TMEM132D: variants seen among roughly 807,000 people sequenced by gnomAD.
The protein encoded by TMEM132D is transmembrane protein 132D.
In TMEM132D, 21 loss-of-function variants were observed where a neutral mutation model predicts 62.3. The observed-to-expected ratio is 0.34, with a 90% CI of 0.24 to 0.49. The LOEUF is 0.49. Among genes scored for constraint, TMEM132D ranks in the 20% least tolerant of loss-of-function variants. The pLI is 0.99. For synonymous variants in TMEM132D, 621 were observed against 575.6 expected (o/e 1.08, Z -1.13); for missense variants, 1,346 against 1,402.8 (o/e 0.96, Z 0.65).
At chr12:129,675,112 A>G (rs927482424) in intron 2 of TMEM132D, among the ~76,000 whole-genome samples, 3 of 152,216 alleles carry the variant, frequency 2.0e-5, no homozygotes, top group African/African-American at 7.2e-5. Flanking sequence ...ATGACAGTGG[A>G]AGAATTTAAA....
intron 1 of TMEM132D, among the ~76,000 whole-genome samples, chr12:129,819,436 A>C (rs1872480182): frequency 6.6e-6 from 1 of 152,196 alleles, no homozygotes; most frequent in African/African-American, 2.4e-5. Flanking sequence ...CTATCTCTTC[A>C]GATCTCCGTG....
At chr12:129,602,673 T>A (rs763503912) in intron 2 of TMEM132D, among the ~76,000 whole-genome samples, 4 of 152,104 alleles carry the variant, frequency 2.6e-5, no homozygotes, top group Non-Finnish European at 4.4e-5. Flanking sequence ...GAGAGGCAGG[T>A]ACAGAGATTT....
chr12:129,540,395 G>A (rs755502712), intron 2 of TMEM132D, among the ~76,000 whole-genome samples: 7 of 152,118 alleles, frequency 4.6e-5, no homozygotes, highest in African/African-American at 9.7e-5. Context: ...ATAATAATCC[G>A]TGGCTATAAA....
intron 2 of TMEM132D, among the ~76,000 whole-genome samples, chr12:129,611,888 G>A (rs936542370): frequency 1.3e-5 from 2 of 152,126 alleles, no homozygotes; most frequent in African/African-American, 4.8e-5. Context: ...CACACATTGA[G>A]GAATACACTT....
chr12:129,711,652 G>A (rs889148795), intron 1 of TMEM132D, among the ~76,000 whole-genome samples: 1 of 150,872 alleles, frequency 6.6e-6, no homozygotes, highest in Non-Finnish European at 1.5e-5. Context: ...ACTTCAACCC[G>A]GGAAGTGGAG....
Position 129,578,424 on chromosome 12 carries a change from G to GTGTGTGTGTGTGTA in TMEM132D, c.969-47220_969-47219insTACACACACACACA, listed in dbSNP as rs773756392. Among the ~76,000 whole-genome samples the GTGTGTGTGTGTGTA allele has an allele frequency of 1.0e-4, 15 of 150,590 alleles. No homozygotes were observed. In the East Asian group the frequency reaches 1.2e-3, roughly 12 times the overall value. ...AATACAATTATGTGTGTGTGTGTGT[G>GTGTGTGTGTGTGTA]TATATATATATATGTATGTATATAT... On this transcript the variant is annotated intron_variant, in intron 2 of 8. Coordinates refer to ENST00000422113, the MANE Select transcript of TMEM132D (RefSeq NM_133448.3).
intron 3 of TMEM132D, among the ~76,000 whole-genome samples, chr12:129,425,520 T>A (rs1872470303): frequency 6.6e-6 from 1 of 152,086 alleles, no homozygotes; most frequent in South Asian, 2.1e-4. Flanking sequence ...CAAAACATCT[T>A]GGAAACACAA....
chr12:129,735,063 A>G (rs1362697857), intron 1 of TMEM132D, among the ~76,000 whole-genome samples: 1 of 152,194 alleles, frequency 6.6e-6, no homozygotes, highest in Non-Finnish European at 1.5e-5. Context: ...AAGGCCAGAA[A>G]GATTTGAAAG....
chr12:129,353,598 G>A (rs1869943795), intron 3 of TMEM132D, among the ~76,000 whole-genome samples: 1 of 152,108 alleles, frequency 6.6e-6, no homozygotes, highest in Non-Finnish European at 1.5e-5. Context: ...GGCAGGTTTT[G>A]CTTGGAGGAC....
chr12:129,571,240 T>G (rs1565907585), intron 2 of TMEM132D, among the ~76,000 whole-genome samples: 1 of 152,154 alleles, frequency 6.6e-6, no homozygotes, highest in Non-Finnish European at 1.5e-5. Flanking sequence ...TAGGAGTTAT[T>G]TGCAGGCTAC....
chr12:129,789,592 G>C (rs1385498143), intron 1 of TMEM132D, among the ~76,000 whole-genome samples: 2 of 152,192 alleles, frequency 1.3e-5, no homozygotes, highest in Non-Finnish European at 1.5e-5. Flanking sequence ...TGCTTTGAAA[G>C]ATTTTCATTG....
intron 2 of TMEM132D, among the ~76,000 whole-genome samples, chr12:129,592,457 C>T (rs1225217631): frequency 6.6e-6 from 1 of 152,190 alleles, no homozygotes; most frequent in African/African-American, 2.4e-5. Flanking sequence ...ATTTGGCAAT[C>T]TCTTTCTTTG....
At position 129,446,991 on chromosome 12, in the gene TMEM132D, A is replaced by T. The variant is rs76644115; in HGVS notation, c.1115+84068T>A. On this transcript the variant is annotated intron_variant, in intron 3 of 8. Coordinates refer to ENST00000422113, the MANE Select transcript of TMEM132D (RefSeq NM_133448.3). ...CACACAGAGCATTATCTAACCATCA[A>T]TTCAAATCTAAAACAAGCTAATCTG... Among the ~76,000 whole-genome samples the T allele has an allele frequency of 2.9e-3, 449 of 152,282 alleles. 1 individual carries two copies. The highest frequency in any genetic ancestry group is 0.01 in the African/African-American group (426 of 41,560).
chr12:129,354,302 T>A (rs1869964061), intron 3 of TMEM132D, among the ~76,000 whole-genome samples: 1 of 131,212 alleles, frequency 7.6e-6, no homozygotes, highest in Non-Finnish European at 1.6e-5. Context: ...ATGCAAAAAC[T>A]AAACTTTATT....
Position 129,444,791 on chromosome 12 carries a change from T to C in TMEM132D, c.1115+86268A>G, listed in dbSNP as rs1009741944. On this transcript the variant is annotated intron_variant, in intron 3 of 8. Transcript: ENST00000422113. ...AAAACCACAATGAGAGGCCATCTCA[T>C]ACCAGTCAGAATGGCTACTATCAAA... is the stretch of plus-strand genomic sequence containing the variant. Among the ~76,000 whole-genome samples, 3 of 152,282 alleles carry C rather than the reference T, an allele frequency of 2.0e-5. No homozygotes were observed. In the South Asian group the frequency reaches 6.2e-4, roughly 32 times the overall value.
Position 129,528,511 on chromosome 12 carries a change from C to A in TMEM132D, c.1115+2548G>T, listed in dbSNP as rs114933029. 9.1e-3 allele frequency among the ~76,000 whole-genome samples: 1,384 copies of A among 151,964 alleles called. 28 individuals are homozygous for A. The highest frequency in any genetic ancestry group is 0.031 in the African/African-American group (1,301 of 41,456). On this transcript the variant is annotated intron_variant, in intron 3 of 8. Coordinates refer to ENST00000422113, the MANE Select transcript of TMEM132D (RefSeq NM_133448.3). ...ATTTACATTCAGCCTTTTCTCCCAGCTTCCCAGTTCTCTCCAGTAGAAATC... is the reference window on the plus strand; with the variant it reads ...ATTTACATTCAGCCTTTTCTCCCAGATTCCCAGTTCTCTCCAGTAGAAATC...
At chr12:129,337,545 T>C (rs948786043) in intron 4 of TMEM132D, 89 bp downstream of exon 4, 1 of 1,520,506 alleles carries the variant, frequency 6.6e-7, no homozygotes, top group Non-Finnish European at 8.9e-7. Flanking sequence ...TCCTCCCCTT[T>C]TCCCCACCCA....
intron 3 of TMEM132D, among the ~76,000 whole-genome samples, chr12:129,414,012 G>C (rs1452438965): frequency 6.6e-6 from 1 of 152,222 alleles, no homozygotes; most frequent in African/African-American, 2.4e-5. Flanking sequence ...CAAGGGCACT[G>C]TGGTGCTTTC....
intron 1 of TMEM132D, among the ~76,000 whole-genome samples, chr12:129,836,662 C>A (rs950313958): frequency 1.6e-4 from 25 of 152,080 alleles, no homozygotes; most frequent in Non-Finnish European, 3.5e-4. Flanking sequence ...CACTACCTTC[C>A]TTCTATGTGC....
Sources: allele counts gnomAD v4.1 joint callset (sites outside exome capture counted in the v4.1 genomes callset), GRCh38; gene constraint gnomAD v4.1.1; transcripts MANE v1.5; gene names NCBI Gene and HGNC (gene_info 2026-07-23, HGNC 2026-07-21).